HS1BP3: variants seen among roughly 807,000 people sequenced by gnomAD.
The protein encoded by HS1BP3 is HCLS1-binding protein 3.
In HS1BP3, 32 loss-of-function variants were observed where a neutral mutation model predicts 33.5. The ratio of observed to expected loss-of-function variants is 0.95; its 90% CI spans 0.72 to 1.28. The LOEUF (loss-of-function observed/expected upper bound fraction) is 1.28. Among genes scored for constraint, HS1BP3 ranks in the 50% most tolerant of loss-of-function variants. The probability of loss-of-function intolerance (pLI) is 0.00; values close to 1 mark genes in which losing one functional copy is unlikely to be tolerated. For missense variants in HS1BP3, 486 were observed against 502.3 expected (o/e 0.97, Z 0.31); for synonymous variants, 187 against 209.2 (o/e 0.89, Z 0.92).
At chr2:20,556,472 AT>A (rs66475711), downstream of HS1BP3, among the ~76,000 whole-genome samples, 107,019 of 151,958 alleles carry the variant, frequency 0.7, 41,982 homozygotes, top group Non-Finnish European at 0.86. Context: ...CAAATATATT[AT>A]CAAATTCTTT....
At chr2:20,565,118 C>T (rs1362645855) in intron 5 of HS1BP3, among the ~76,000 whole-genome samples, 2 of 152,160 alleles carry the variant, frequency 1.3e-5, no homozygotes, top group Non-Finnish European at 2.9e-5. Flanking sequence ...GTCCAACAGT[C>T]TCTGTGGGAA....
At chr2:20,637,024 G>T in intron 4 of HS1BP3, 1 of 53,576 alleles carries the variant, frequency 1.9e-5, no homozygotes, top group Non-Finnish European at 4.0e-5. Context: ...CTGGGGAGGG[G>T]GCTGCCCCCG....
rs983003131 is a variant in HS1BP3 at position 20,583,505 on chromosome 2, G to A, written c.303-22990C>T. 2.6e-5 allele frequency among the ~76,000 whole-genome samples: 4 copies of A among 152,322 alleles called. 1 individual carries two copies. The highest frequency in any genetic ancestry group is 6.5e-5 in the Admixed American group (1 of 15,302). On this transcript the variant is annotated intron_variant, in intron 5 of 5. Transcript: ENST00000446825. ...TGGAGGGACGCTGCTGGATTCTTGA[G>A]TTCTTGTAGCCCCACCAATTCTCAG...
intron 2 of HS1BP3, among the ~76,000 whole-genome samples, chr2:20,603,842 A>C (rs529321417): frequency 1.3e-5 from 2 of 152,362 alleles, no homozygotes; most frequent in South Asian, 4.1e-4. Context: ...ATGGCCCTCC[A>C]GAGATGGGTT....
intron 5 of HS1BP3, among the ~76,000 whole-genome samples, chr2:20,574,436 A>T (rs1435919591): frequency 1.3e-5 from 2 of 152,180 alleles, no homozygotes; most frequent in East Asian, 3.9e-4. Context: ...ACTTTCTGCA[A>T]GTGTCTTATC....
intron 5 of HS1BP3, among the ~76,000 whole-genome samples, chr2:20,579,526 GAC>G (rs1429226310): frequency 2.6e-5 from 4 of 152,236 alleles, no homozygotes; most frequent in African/African-American, 4.8e-5. Context: ...AGAGAAACCA[GAC>G]ACAGAGAGCC....
At chr2:20,589,732 A>G (rs1693766067), downstream of HS1BP3, among the ~76,000 whole-genome samples, 2 of 152,244 alleles carry the variant, frequency 1.3e-5, no homozygotes, top group South Asian at 2.1e-4. Flanking sequence ...CATGGACCAG[A>G]CCACACCCTT....
chr2:20,615,568 T>G (rs1694406482), downstream of HS1BP3, among the ~76,000 whole-genome samples: 1 of 152,240 alleles, frequency 6.6e-6, no homozygotes, highest in African/African-American at 2.4e-5. Flanking sequence ...TGAACCCACA[T>G]GAAGCCAATA....
At chr2:20,577,840 C>T (rs1254075083) in intron 5 of HS1BP3, among the ~76,000 whole-genome samples, 2 of 152,230 alleles carry the variant, frequency 1.3e-5, no homozygotes, top group East Asian at 1.9e-4. Flanking sequence ...GGGGATTGGG[C>T]TTCCAGGGTT....
At chr2:20,641,325 G>A (rs1695341030) in intron 2 of HS1BP3, 145 bp from the exon 3 acceptor site, 1 of 678,856 alleles carries the variant, frequency 1.5e-6, no homozygotes, top group African/African-American at 1.8e-5. Flanking sequence ...CTGTCTCCCA[G>A]CCTCAGGCTC....
downstream of HS1BP3, among the ~76,000 whole-genome samples, chr2:20,560,006 CCT>C (rs1013444480): frequency 1.8e-4 from 28 of 152,290 alleles, no homozygotes; most frequent in African/African-American, 6.3e-4. Flanking sequence ...TACCAGGTGA[CCT>C]GTTTCTAAGT....
At chr2:20,577,786 AG>A (rs1393408128) in intron 5 of HS1BP3, among the ~76,000 whole-genome samples, 7 of 152,144 alleles carry the variant, frequency 4.6e-5, no homozygotes, top group Middle Eastern at 3.2e-3. Context: ...TTAAAGTATG[AG>A]GGGGTATTGT....
At chr2:20,640,833 C>T (rs190571094) in intron 3 of HS1BP3, 140 bp downstream of exon 3, 11 of 785,772 alleles carry the variant, frequency 1.4e-5, no homozygotes, top group African/African-American at 6.9e-5. Flanking sequence ...AGGATGTCAG[C>T]GAGGCCACCT....
At chr2:20,599,268 G>A (rs1255689046) in intron 2 of HS1BP3, among the ~76,000 whole-genome samples, 2 of 152,336 alleles carry the variant, frequency 1.3e-5, no homozygotes, top group East Asian at 3.9e-4. Flanking sequence ...GTACCCACAG[G>A]TCCCACTCTT....
At chr2:20,643,242 T>C (rs1243799759) in intron 2 of HS1BP3, among the ~76,000 whole-genome samples, 2 of 152,204 alleles carry the variant, frequency 1.3e-5, no homozygotes, top group Non-Finnish European at 2.9e-5. Context: ...GTGGCACTAG[T>C]GTGATTCATG....
chr2:20,602,562 C>T (rs1174249297), intron 2 of HS1BP3, among the ~76,000 whole-genome samples: 3 of 151,284 alleles, frequency 2.0e-5, no homozygotes, highest in South Asian at 2.1e-4. Context: ...ACATCAATAG[C>T]TCTTTAACAG....
chr2:20,579,061 C>T (rs984924479), intron 5 of HS1BP3, among the ~76,000 whole-genome samples: 1 of 152,356 alleles, frequency 6.6e-6, no homozygotes, highest in South Asian at 2.1e-4. Flanking sequence ...CTTCCGGTCT[C>T]AGGTCAGTCC....
intron 5 of HS1BP3, among the ~76,000 whole-genome samples, chr2:20,572,560 G>A (rs1163153700): frequency 6.6e-6 from 1 of 152,122 alleles, no homozygotes; most frequent in East Asian, 1.9e-4. Flanking sequence ...TGAGATCTCG[G>A]TCAGGTTATG....
intron 5 of HS1BP3, among the ~76,000 whole-genome samples, chr2:20,563,090 T>C (rs1432361285): frequency 6.6e-6 from 1 of 152,326 alleles, no homozygotes; most frequent in Middle Eastern, 3.4e-3. Flanking sequence ...GAACCCTCAG[T>C]GCAGAGAGAG....
Sources: allele counts gnomAD v4.1 joint callset (sites outside exome capture counted in the v4.1 genomes callset), GRCh38; gene constraint gnomAD v4.1.1; transcripts MANE v1.5; gene names NCBI Gene and HGNC (gene_info 2026-07-23, HGNC 2026-07-21).